Variants in BRWD3 observed in about 807,000 individuals in gnomAD.
BRWD3 encodes the protein bromodomain and WD repeat domain containing 3, also known as bromodomain and WD repeat-containing protein 3.
A neutral mutation model predicts 149.7 loss-of-function variants in BRWD3; 10 were observed. The ratio of observed to expected loss-of-function variants is 0.07; its 90% confidence interval spans 0.04 to 0.11. BRWD3 has a LOEUF of 0.11. Ranked by LOEUF, BRWD3 falls within the 10% of genes least tolerant of loss-of-function variation. The pLI is 1.00. For missense variants in BRWD3, 940 were observed against 1,373.2 expected, an observed-to-expected ratio of 0.68 and a Z score of 4.99; for synonymous variants, 504 against 456.7, an observed-to-expected ratio of 1.10 and a Z score of -1.32.
intron 22 of BRWD3, 82 bp from the exon 23 acceptor site, chrX:80,704,928 C>T: frequency 1.0e-6 from 1 of 956,693 alleles, no homozygotes; most frequent in Non-Finnish European, 1.5e-6. Flanking sequence ...ATTCTGTAAG[C>T]AAACAGCATT....
intron 17 of BRWD3, 47 bp downstream of exon 17, chrX:80,722,515 A>G (rs772201223): frequency 1.8e-6 from 2 of 1,134,105 alleles, no homozygotes; most frequent in African/African-American, 1.8e-5. Context: ...GCAGTAATGT[A>G]TAACATTGGG....
In BRWD3 at chrX:80,700,044, T is replaced by C. The variant is rs376250330; in HGVS notation, c.2856A>G (p.Gly952=). The C allele has an allele frequency of 5.0e-6, 6 of 1,206,688 alleles. No individual in the cohort carries two copies. In the South Asian group the frequency reaches 5.3e-5, roughly 11 times the overall value. The stretch of plus-strand genomic sequence containing the variant: ...TTACAGCCCGAACATAAGCTTCATG[T>C]CCTTGCCTAAAATAGATAAGCTAAA... ...MGDELIYFRQ[G]HEAYVRAVRK... The change falls in exon 25 of 41, where the codon GGA becomes GGG. Residue 952 remains glycine, a synonymous_variant. Coordinates refer to ENST00000373275, the MANE Select transcript of BRWD3 (RefSeq NM_153252.5).
rs1279765287 is a variant in BRWD3 at position 80,669,540 on chromosome X, T to A, written c.*7069A>T. Among the ~76,000 whole-genome samples, 2 of 111,600 alleles carry A rather than the reference T, an allele frequency of 1.8e-5. No homozygotes were observed. The highest frequency in any genetic ancestry group is 3.7e-4 in the South Asian group (1 of 2,701). On this transcript the variant is annotated 3_prime_UTR_variant, in exon 41 of 41. Transcript: ENST00000373275. ...ATTTTAGATGAATAATACTCAAGGG[T>A]AACAAAACAGTACTTTTCAAATGAT...
rs774680562 is a variant in BRWD3, at chrX:80,695,825, ACTTT to A, written c.3151+79_3151+82del. The A allele has an allele frequency of 6.7e-5, 54 of 802,964 alleles. No homozygotes were observed. In the African/African-American group the frequency reaches 9.8e-4, roughly 15 times the overall value. 66.2% of individuals were successfully genotyped at this position (802,964 alleles called of 1,213,427 possible). ...GCTTTTTTCAGCTAAATGATAAGCT[ACTTT>A]CTTTCTGTTAAATCACAGTTAAAAA... On this transcript the variant is annotated intron_variant, in intron 27 of 40. Coordinates refer to ENST00000373275, the MANE Select transcript of BRWD3 (RefSeq NM_153252.5).
intron 6 of BRWD3, 62 bp downstream of exon 6, chrX:80,791,792 C>G: frequency 1.1e-6 from 1 of 886,659 alleles, no homozygotes. Flanking sequence ...TTTTGTCTTC[C>G]TAATGAGTTC....
At chrX:80,808,625 G>C (rs1413539153) in intron 3 of BRWD3, 27 bp from the exon 4 acceptor site, 1 of 1,187,996 alleles carries the variant, frequency 8.4e-7, no homozygotes, top group East Asian at 3.0e-5. Flanking sequence ...AAGAAAGGGG[G>C]AAGCGGAGGC....
At position 80,674,676 on chromosome X, in the gene BRWD3, G is replaced by A. The variant is rs1295420176; in HGVS notation, c.*1933C>T. 2 of 111,347 alleles carry A rather than the reference G, an allele frequency of 1.8e-5. No homozygotes were observed. Among genetic ancestry groups the A allele is most frequent in the African/African-American group, 6.5e-5 (2 of 30,702 alleles). The allele number at this position is 111,347 out of a possible 1,213,427, so 9.2% of individuals were successfully genotyped here. ...CTGAGTTACAACCAGAAGTAGTTTT[G>A]GTTTAGTGAAAAAAAGACTACAACA... On this transcript the variant is annotated 3_prime_UTR_variant, in exon 41 of 41. Transcript: ENST00000373275.
At chrX:80,801,374 C>T (rs1275127221) in intron 4 of BRWD3, among the ~76,000 whole-genome samples, 1 of 106,364 alleles carries the variant, frequency 9.4e-6, no homozygotes. Flanking sequence ...GCGCCTGCCA[C>T]CGCGCCTAAT....
chrX:80,805,068 C>T (rs996068316), intron 4 of BRWD3, among the ~76,000 whole-genome samples: 1 of 111,847 alleles, frequency 8.9e-6, no homozygotes, highest in African/African-American at 3.2e-5. Context: ...CAATACTTAA[C>T]TGCAAGCAGC....
rs1423750915 is a variant in BRWD3 at position 80,801,725 on chromosome X, C to A, written c.180+6814G>T. Among the ~76,000 whole-genome samples the A allele has an allele frequency of 3.6e-5, 4 of 110,126 alleles. No individual in the cohort carries two copies. In the Admixed American group the frequency reaches 3.9e-4, roughly 11 times the overall value. On this transcript the variant is annotated intron_variant, in intron 4 of 40. Coordinates refer to ENST00000373275, the MANE Select transcript of BRWD3 (RefSeq NM_153252.5). The stretch of plus-strand genomic sequence containing the variant: ...GGCATGGTGGTGCATGCCTGTAATC[C>A]CAGCTACTCTGGAAGCTAGGGCAGG...
Position 80,702,040 on chromosome X carries a change from C to T in BRWD3, c.2835+1440G>A, listed in dbSNP as rs2072798653. Among the ~76,000 whole-genome samples the T allele has an allele frequency of 3.6e-5, 4 of 111,624 alleles. No individual in the cohort carries two copies. The South Asian group carries it at 1.5e-3, about 41-fold the overall frequency. On this transcript the variant is annotated intron_variant, in intron 24 of 40. Transcript: ENST00000373275. ...GGAAAAGTTAGTATTTGAATTAGAC[C>T]TTGAAAATGATAATTTTAAGAAGCA...
At chrX:80,696,957 A>G (rs2072708851) in intron 25 of BRWD3, 94 bp from the exon 26 acceptor site, 1 of 880,630 alleles carries the variant, frequency 1.1e-6, no homozygotes, top group African/African-American at 2.0e-5. Flanking sequence ...TTATTATCTG[A>G]AAATTCTCTA....
At position 80,676,721 on chromosome X, in the gene BRWD3, T is replaced by A. The variant is rs199676970; in HGVS notation, c.5297A>T (p.Asp1766Val). ...TVLYNDDSDN[D>V]NFVSTEDPLN... is the part of the protein sequence containing the mutation. ...AGGATCCTCAGTGGACACAAAATTG[T>A]CATTATCAGAATCATCATTATATAA... Residue 1766 changes from aspartate to valine, a missense_variant, in exon 41 of 41, where the codon GAC becomes GTC. Around this residue, in one of 6 missense-constraint regions of BRWD3, gnomAD observed 16 missense variants for 42.0 expected, o/e 0.38. Transcript: ENST00000373275. 38 of 1,209,687 alleles carry A rather than the reference T, an allele frequency of 3.1e-5. No homozygotes were observed. Among genetic ancestry groups the A allele is most frequent in the Non-Finnish European group, 3.4e-6 (3 of 895,105 alleles).
At chrX:80,704,557 C>T (rs916795421) in intron 23 of BRWD3, 121 bp downstream of exon 23, 2 of 737,051 alleles carry the variant, frequency 2.7e-6, no homozygotes, top group South Asian at 2.8e-5. Flanking sequence ...ACTACTTTTA[C>T]TTACTTTCTC....
chrX:80,721,020 G>C (rs1370568986), intron 17 of BRWD3, among the ~76,000 whole-genome samples: 1 of 111,946 alleles, frequency 8.9e-6, no homozygotes, highest in African/African-American at 3.2e-5. Context: ...AAAATGCTTT[G>C]CTTCCTTCTT....
chrX:80,752,404 T>C (rs922347876), intron 6 of BRWD3, among the ~76,000 whole-genome samples: 3 of 111,592 alleles, frequency 2.7e-5, no homozygotes, highest in Non-Finnish European at 5.6e-5. Context: ...TATTTTCCTC[T>C]GGGGTATATA....
At chrX:80,737,149 G>C (rs1475214356) in intron 8 of BRWD3, among the ~76,000 whole-genome samples, 2 of 111,143 alleles carry the variant, frequency 1.8e-5, no homozygotes, top group African/African-American at 6.5e-5. Context: ...AAAGAAACCA[G>C]GACTCATGCC....
intron 20 of BRWD3, among the ~76,000 whole-genome samples, chrX:80,713,369 T>G (rs1247100276): frequency 8.9e-6 from 1 of 112,372 alleles, no homozygotes; most frequent in Non-Finnish European, 1.9e-5. Context: ...TGCCTTGGGA[T>G]CCTGTTGATC....
chrX:80,676,602 T>C lies in BRWD3; in HGVS notation c.*7A>G, dbSNP rs918011490. On this transcript the variant is annotated 3_prime_UTR_variant, in exon 41 of 41. Coordinates refer to ENST00000373275, the MANE Select transcript of BRWD3 (RefSeq NM_153252.5). Reference sequence around the variant, plus strand: ...AATTTTTTAAGTTATTCTAAATTTATTAACTGTTAATAATTCCATCCCATG... The same window carrying C: ...AATTTTTTAAGTTATTCTAAATTTACTAACTGTTAATAATTCCATCCCATG... 8 of 1,208,335 alleles carry C rather than the reference T, an allele frequency of 6.6e-6. No homozygotes were observed. In the East Asian group the frequency reaches 1.2e-4, roughly 18 times the overall value.
Sources: allele counts gnomAD v4.1 joint callset (sites outside exome capture counted in the v4.1 genomes callset), GRCh38; gene constraint gnomAD v4.1.1; regional missense constraint gnomAD v4.1.1; transcripts MANE v1.5; gene names NCBI Gene and HGNC (gene_info 2026-07-23, HGNC 2026-07-21).